GAB2: variants seen among roughly 807,000 people sequenced by gnomAD.
GAB2 encodes the protein GRB2 associated binding protein 2, also known as GRB2-associated-binding protein 2.
GAB2 carries 26 observed loss-of-function variants against 65.5 expected under a neutral mutation model. The observed-to-expected ratio is 0.40, with a 90% CI of 0.29 to 0.55. The LOEUF is 0.55. Ranked by LOEUF, GAB2 falls within the 20% of genes least tolerant of loss-of-function variation. The pLI is 0.53. For synonymous variants in GAB2, 321 were observed against 329.6 expected (o/e 0.97, Z 0.28); for missense variants, 884 against 875.8 (o/e 1.01, Z -0.12).
At chr11:78,258,993 T>G (rs2512534) in intron 2 of GAB2, among the ~76,000 whole-genome samples, 1 of 151,910 alleles carries the variant, frequency 6.6e-6, no homozygotes, top group African/African-American at 2.4e-5. Context: ...TAGTACCCAA[T>G]AGTTATTTTT....
At chr11:78,365,774 C>G (rs1198698456) in intron 1 of GAB2, among the ~76,000 whole-genome samples, 1 of 152,146 alleles carries the variant, frequency 6.6e-6, no homozygotes, top group African/African-American at 2.4e-5. Context: ...TCGCAAAAAG[C>G]CTTCATCCAA....
chr11:78,217,528 T>C lies in GAB2; in HGVS notation c.*1744A>G, dbSNP rs1483056284. On this transcript the variant is annotated 3_prime_UTR_variant, in exon 10 of 10. Coordinates refer to ENST00000361507, the MANE Select transcript of GAB2 (RefSeq NM_080491.3). ...CAGTGGTAGCTGTCCCCATCAAACA[T>C]GGCAGGAAGTCATTGTTTGGGAGGA... The C allele has an allele frequency of 6.6e-6, 1 of 152,194 alleles. No individual in the cohort carries two copies. The highest frequency in any genetic ancestry group is 6.5e-5 in the Admixed American group (1 of 15,278). 9.4% of individuals were successfully genotyped at this position (152,194 alleles called of 1,614,324 possible).
intron 1 of GAB2, among the ~76,000 whole-genome samples, chr11:78,368,150 T>C (rs904688272): frequency 6.6e-6 from 1 of 152,230 alleles, no homozygotes; most frequent in African/African-American, 2.4e-5. Context: ...TGTTCACTTC[T>C]CACAGCACTT....
At chr11:78,276,212 G>A (rs1186039714) in intron 2 of GAB2, among the ~76,000 whole-genome samples, 6 of 151,874 alleles carry the variant, frequency 4.0e-5, no homozygotes, top group African/African-American at 9.7e-5. Context: ...AGGTGGGAAC[G>A]CTGCTTGAGC....
At chr11:78,306,475 GC>G (rs1855361779) in intron 1 of GAB2, among the ~76,000 whole-genome samples, 1 of 152,148 alleles carries the variant, frequency 6.6e-6, no homozygotes, top group African/African-American at 2.4e-5. Context: ...CAGGCAATCT[GC>G]CCACCTTGGC....
At chr11:78,230,673 G>A (rs942841017) in intron 3 of GAB2, among the ~76,000 whole-genome samples, 8 of 152,242 alleles carry the variant, frequency 5.3e-5, no homozygotes. Context: ...CACATGTTGA[G>A]GGAGACTGAT....
intron 7 of GAB2, 25 bp from the exon 8 acceptor site, chr11:78,221,804 A>G: frequency 6.6e-7 from 1 of 1,525,796 alleles, no homozygotes; most frequent in South Asian, 1.1e-5. Context: ...AAGAGTTAAC[A>G]CTGGGGAAGC....
chr11:78,317,318 C>G (rs1855627794), intron 1 of GAB2, among the ~76,000 whole-genome samples: 1 of 152,162 alleles, frequency 6.6e-6, no homozygotes, highest in Non-Finnish European at 1.5e-5. Flanking sequence ...AATCCCAGCA[C>G]TTTGGGAGCC....
In GAB2 at chr11:78,375,445, G is replaced by A. The variant is rs540440524; in HGVS notation, c.75+42201C>T. 2.0e-5 allele frequency among the ~76,000 whole-genome samples: 3 copies of A among 152,132 alleles called. No individual in the cohort carries two copies. In the South Asian group the frequency reaches 6.2e-4, roughly 32 times the overall value. On this transcript the variant is annotated intron_variant, in intron 1 of 9. Transcript: ENST00000361507. ...AATGTCTTTTCAGTGGCAAAGACAT[G>A]GTGGAAATATTTGTTGGAAAATGTT...
At chr11:78,269,347 AG>A (rs1221474203) in intron 2 of GAB2, among the ~76,000 whole-genome samples, 1 of 152,202 alleles carries the variant, frequency 6.6e-6, no homozygotes, top group African/African-American at 2.4e-5. Flanking sequence ...AGGGAGGAAA[AG>A]GCCCTCCCAG....
At position 78,405,296 on chromosome 11, in the gene GAB2, C is replaced by T. The variant is rs111295389; in HGVS notation, c.75+12350G>A. On this transcript the variant is annotated intron_variant, in intron 1 of 9. Coordinates refer to ENST00000361507, the MANE Select transcript of GAB2 (RefSeq NM_080491.3). ...TGTATTTTTAGTAGAGATGGGGTTT[C>T]GCTGTGTTAGCCAGGATGGTCTCGA... Among the ~76,000 whole-genome samples, 1,185 of 152,108 alleles carry T rather than the reference C, an allele frequency of 7.8e-3. 12 individuals are homozygous for T. Among genetic ancestry groups the T allele is most frequent in the African/African-American group, 0.027 (1,127 of 41,504 alleles).
intron 1 of GAB2, among the ~76,000 whole-genome samples, chr11:78,343,099 T>C (rs777622748): frequency 6.6e-6 from 1 of 152,102 alleles, no homozygotes; most frequent in African/African-American, 2.4e-5. Flanking sequence ...TATAAATTAG[T>C]TACTTTTTTG....
At chr11:78,390,138 A>G (rs540007644) in intron 1 of GAB2, among the ~76,000 whole-genome samples, 2 of 152,324 alleles carry the variant, frequency 1.3e-5, no homozygotes, top group East Asian at 3.9e-4. Flanking sequence ...TTAACAAAAA[A>G]CCTTGATATG....
At chr11:78,248,390 G>A (rs543802915) in intron 3 of GAB2, among the ~76,000 whole-genome samples, 26 of 152,312 alleles carry the variant, frequency 1.7e-4, no homozygotes, top group South Asian at 1.2e-3. Flanking sequence ...GACAATCTGT[G>A]CTGGTATCAT....
At chr11:78,276,259 C>G (rs1189852091) in intron 2 of GAB2, among the ~76,000 whole-genome samples, 1 of 151,940 alleles carries the variant, frequency 6.6e-6, no homozygotes, top group Non-Finnish European at 1.5e-5. Context: ...GTGATTATGC[C>G]ACTATATCCC....
rs192354290 is a variant in GAB2, at chr11:78,324,008, G to A, written c.76-43107C>T. Among the ~76,000 whole-genome samples, 329 of 152,034 alleles carry A rather than the reference G, an allele frequency of 2.2e-3. 1 individual carries two copies. Among genetic ancestry groups the A allele is most frequent in the African/African-American group, 7.3e-3 (304 of 41,454 alleles). On this transcript the variant is annotated intron_variant, in intron 1 of 9. Transcript: ENST00000361507. ...AGACGGGGTTTTGCCATGTGGGCCAGGCTGGTCTCAAACTACTGACCTCAG... is the reference window on the plus strand; with the variant it reads ...AGACGGGGTTTTGCCATGTGGGCCAAGCTGGTCTCAAACTACTGACCTCAG...
At chr11:78,279,677 A>G (rs1410995675) in intron 2 of GAB2, among the ~76,000 whole-genome samples, 2 of 152,124 alleles carry the variant, frequency 1.3e-5, no homozygotes, top group African/African-American at 4.8e-5. Context: ...GCCTGCTCTG[A>G]GCCTTCATAC....
intron 1 of GAB2, among the ~76,000 whole-genome samples, chr11:78,295,123 A>C (rs1378840563): frequency 3.9e-5 from 6 of 152,230 alleles, no homozygotes; most frequent in African/African-American, 7.2e-5. Flanking sequence ...CAGCCAAAAG[A>C]CACATGAAAA....
At chr11:78,307,805 T>G (rs981518153) in intron 1 of GAB2, among the ~76,000 whole-genome samples, 19 of 152,198 alleles carry the variant, frequency 1.2e-4, no homozygotes, top group Admixed American at 1.2e-3. Context: ...GTGTAATGGT[T>G]AATTTTAGGT....
Sources: gnomAD v4.1 joint callset for allele counts (sites outside exome capture counted in the v4.1 genomes callset) on GRCh38, gnomAD v4.1.1 for gene constraint, MANE v1.5 for transcripts, NCBI Gene and HGNC (gene_info 2026-07-23, HGNC 2026-07-21) for gene names.